The following CADM1 variants were observed in gnomAD, a reference collection of about 807,000 sequenced individuals.
CADM1 encodes TSLC-1.
Under a neutral mutation model 53.1 loss-of-function variants are expected in CADM1, and 15 were observed. That is an observed-to-expected ratio of 0.28 (90% CI 0.19 to 0.44). The LOEUF is 0.44. Ranked by LOEUF, CADM1 falls within the 20% of genes least tolerant of loss-of-function variation. The pLI is 1.00. For synonymous variants in CADM1, 281 were observed against 243.0 expected, an observed-to-expected ratio of 1.16 and a Z score of -1.45; for missense variants, 434 against 611.3, an observed-to-expected ratio of 0.71 and a Z score of 3.06.
intron 1 of CADM1, among the ~76,000 whole-genome samples, chr11:115,426,908 T>C (rs1012667059): frequency 2.6e-5 from 4 of 152,256 alleles, no homozygotes; most frequent in Admixed American, 2.0e-4. Flanking sequence ...GGCATGTATA[T>C]TAACAAATTT....
intron 1 of CADM1, among the ~76,000 whole-genome samples, chr11:115,415,702 G>A (rs1947577329): frequency 6.6e-6 from 1 of 151,584 alleles, no homozygotes; most frequent in Non-Finnish European, 1.5e-5. Flanking sequence ...CAGACATGGT[G>A]ATGTGCACCT....
At chr11:115,204,847 T>C (rs1290420314) in intron 8 of CADM1, among the ~76,000 whole-genome samples, 3 of 152,304 alleles carry the variant, frequency 2.0e-5, no homozygotes, top group Middle Eastern at 3.4e-3. Context: ...AAAATAATAA[T>C]GTGGGCCTGG....
At chr11:115,356,487 TAA>T (rs1183198935) in intron 1 of CADM1, among the ~76,000 whole-genome samples, 3 of 152,076 alleles carry the variant, frequency 2.0e-5, no homozygotes, top group African/African-American at 7.2e-5. Context: ...CCATGGCACA[TAA>T]AGTGTCCTTG....
intron 1 of CADM1, among the ~76,000 whole-genome samples, chr11:115,403,765 T>G (rs1591784094): frequency 6.6e-6 from 1 of 151,652 alleles, no homozygotes; most frequent in South Asian, 2.1e-4. Flanking sequence ...CCTGGCTAAT[T>G]TTTGTATTTT....
At chr11:115,304,578 A>G (rs1251208265) in intron 1 of CADM1, among the ~76,000 whole-genome samples, 6 of 152,030 alleles carry the variant, frequency 3.9e-5, no homozygotes, top group African/African-American at 7.2e-5. Flanking sequence ...GGCTTCAAAG[A>G]AAACTTAAAT....
intron 1 of CADM1, among the ~76,000 whole-genome samples, chr11:115,304,684 G>A (rs550767263): frequency 4.6e-5 from 7 of 151,760 alleles, no homozygotes; most frequent in South Asian, 2.1e-4. Context: ...ACCACAAACA[G>A]GTATACAAAG....
At chr11:115,499,347 G>C (rs915954634) in intron 1 of CADM1, among the ~76,000 whole-genome samples, 3 of 152,184 alleles carry the variant, frequency 2.0e-5, no homozygotes, top group Non-Finnish European at 4.4e-5. Flanking sequence ...CACAAATCCA[G>C]ATTTCTCCCC....
intron 1 of CADM1, among the ~76,000 whole-genome samples, chr11:115,449,619 CCT>C (rs1010648048): frequency 6.6e-5 from 10 of 152,292 alleles, no homozygotes; most frequent in Admixed American, 2.6e-4. Context: ...GTAATTTTCC[CCT>C]GTCAGTTTTT....
At chr11:115,217,854 C>T (rs1195983327) in intron 6 of CADM1, 38 bp downstream of exon 6, 13 of 1,271,954 alleles carry the variant, frequency 1.0e-5, no homozygotes, top group Middle Eastern at 3.9e-4. Context: ...ACATTTACTG[C>T]GCATGACCCT....
chr11:115,495,422 T>C (rs924488098), intron 1 of CADM1, among the ~76,000 whole-genome samples: 2 of 152,262 alleles, frequency 1.3e-5, no homozygotes, highest in African/African-American at 4.8e-5. Flanking sequence ...TAGCAAGAAC[T>C]GAACTCTGAA....
chr11:115,490,506 C>T (rs867811451), intron 1 of CADM1, among the ~76,000 whole-genome samples: 3 of 148,946 alleles, frequency 2.0e-5, no homozygotes, highest in South Asian at 4.2e-4. Context: ...TCAAGCAATT[C>T]GCCTGCCTCA....
In CADM1 at chr11:115,444,650, G is replaced by A. The variant is rs141876806; in HGVS notation, c.124+59621C>T. ...GTATGTCCACACGACTAGAGGTAGGGGCTAGAGGACAACTTCTGGGAAGTC... is the reference window on the plus strand; with the variant it reads ...GTATGTCCACACGACTAGAGGTAGGAGCTAGAGGACAACTTCTGGGAAGTC... On this transcript the variant is annotated intron_variant, in intron 1 of 11. Coordinates refer to ENST00000331581, the MANE Select transcript of CADM1 (RefSeq NM_001301043.2). Among the ~76,000 whole-genome samples, 18 of 152,288 alleles carry A rather than the reference G, an allele frequency of 1.2e-4. No individual in the cohort carries two copies. The East Asian group carries it at 1.3e-3, about 11-fold the overall frequency.
chr11:115,342,357 C>T (rs1945470772), intron 1 of CADM1, among the ~76,000 whole-genome samples: 1 of 152,122 alleles, frequency 6.6e-6, no homozygotes, highest in South Asian at 2.1e-4. Context: ...GATGTAGTAT[C>T]ATGTTTCTGA....
chr11:115,223,603 T>C (rs545733834), intron 5 of CADM1, among the ~76,000 whole-genome samples: 80 of 152,242 alleles, frequency 5.3e-4, no homozygotes, highest in African/African-American at 1.9e-3. Flanking sequence ...AGAAGGCAGG[T>C]ATAAAGGCAA....
Position 115,238,516 on chromosome 11 carries a change from G to A in CADM1, c.408C>T (p.Thr136=). The A allele has an allele frequency of 6.2e-7, 1 of 1,613,834 alleles. No homozygotes were observed. Among genetic ancestry groups the A allele is most frequent in the South Asian group, 1.1e-5 (1 of 91,078 alleles). The part of the protein sequence containing the change: ...LYTDPPQESY[T]TITVLVPPRN... ...GTTTCTTACCCAGGACTGTGATGGT[G>A]GTGTAACTTTCCTGTGGGGGATCGG... Residue 136 remains threonine (T), a synonymous_variant, in exon 3 of 12, where the codon ACC becomes ACT. Coordinates refer to ENST00000331581, the MANE Select transcript of CADM1 (RefSeq NM_001301043.2).
chr11:115,327,033 T>C (rs1291752746), intron 1 of CADM1, among the ~76,000 whole-genome samples: 1 of 152,220 alleles, frequency 6.6e-6, no homozygotes, highest in African/African-American at 2.4e-5. Context: ...ATTCATTATG[T>C]GTCAGGCACT....
rs145672687 is a variant in CADM1, at chr11:115,461,626, G to A, written c.124+42645C>T. Among the ~76,000 whole-genome samples, 772 of 152,318 alleles carry A rather than the reference G, an allele frequency of 5.1e-3. 6 individuals carry two copies. Among genetic ancestry groups the A allele is most frequent in the African/African-American group, 0.018 (740 of 41,568 alleles). On this transcript the variant is annotated intron_variant, in intron 1 of 11. Transcript: ENST00000331581. Reference sequence around the variant, plus strand: ...AGGTTCAGGGGCTGCCTAGGTGAACGGCGGTGAGCTATGAAAGGAAAAAGA... The same window carrying A: ...AGGTTCAGGGGCTGCCTAGGTGAACAGCGGTGAGCTATGAAAGGAAAAAGA...
chr11:115,387,905 A>C (rs1331503132), intron 1 of CADM1, among the ~76,000 whole-genome samples: 1 of 152,086 alleles, frequency 6.6e-6, no homozygotes, highest in Non-Finnish European at 1.5e-5. Context: ...TCCTCTAAAA[A>C]AAAAACAAAC....
At chr11:115,317,727 G>A (rs1944706205) in intron 1 of CADM1, among the ~76,000 whole-genome samples, 3 of 152,160 alleles carry the variant, frequency 2.0e-5, no homozygotes, top group African/African-American at 7.2e-5. Context: ...GCAAGATGGA[G>A]TGCCCTGCAG....
Sources: gnomAD v4.1 joint callset for allele counts (sites outside exome capture counted in the v4.1 genomes callset) on GRCh38, gnomAD v4.1.1 for gene constraint, MANE v1.5 for transcripts, NCBI Gene and HGNC (gene_info 2026-07-23, HGNC 2026-07-21) for gene names.